Variants in NRXN1 observed in about 807,000 individuals in gnomAD.
NRXN1 encodes neurexin-1.
NRXN1 carries 39 observed loss-of-function variants against 150.9 expected under a neutral mutation model. That is an observed-to-expected ratio of 0.26 (90% CI 0.20 to 0.34). The LOEUF (loss-of-function observed/expected upper bound fraction) is 0.34, where lower values mean the gene tolerates loss of function less well. NRXN1 is among the 10% of genes least tolerant of loss of function. The probability of loss-of-function intolerance (pLI) is 1.00; values close to 1 mark genes in which losing one functional copy is unlikely to be tolerated. For missense variants in NRXN1, 1,815 were observed against 1,949.9 expected (o/e 0.93, Z 1.30); for synonymous variants, 924 against 757.0 (o/e 1.22, Z -3.62).
chr2:50,087,474 G>C (rs1698951827), intron 19 of NRXN1, among the ~76,000 whole-genome samples: 3 of 152,036 alleles, frequency 2.0e-5, no homozygotes, highest in South Asian at 4.1e-4. Flanking sequence ...ATGATGTTAG[G>C]CTTTGTGAAT....
chr2:50,015,778 G>A (rs1686489043), intron 21 of NRXN1, among the ~76,000 whole-genome samples: 1 of 152,142 alleles, frequency 6.6e-6, no homozygotes, highest in Non-Finnish European at 1.5e-5. Flanking sequence ...ATAGCTGAAA[G>A]CACACTGACA....
At chr2:50,662,508 G>A (rs532787050) in intron 5 of NRXN1, among the ~76,000 whole-genome samples, 7 of 152,132 alleles carry the variant, frequency 4.6e-5, no homozygotes, top group East Asian at 3.9e-4. Flanking sequence ...CCTGTAGGCC[G>A]CAGGAGGCCC....
At chr2:50,107,685 TACA>T (rs1243375598) in intron 18 of NRXN1, among the ~76,000 whole-genome samples, 1 of 151,584 alleles carries the variant, frequency 6.6e-6, no homozygotes, top group Admixed American at 6.6e-5. Flanking sequence ...ATAAAACTAT[TACA>T]ACAATAATTG....
intron 17 of NRXN1, among the ~76,000 whole-genome samples, chr2:50,311,829 G>C (rs2075207828): frequency 6.6e-6 from 1 of 152,090 alleles, no homozygotes; most frequent in Non-Finnish European, 1.5e-5. Context: ...ACATTCAGGA[G>C]TATCCTAAAT....
chr2:50,428,351 A>G (rs1558714869), intron 17 of NRXN1, among the ~76,000 whole-genome samples: 1 of 152,092 alleles, frequency 6.6e-6, no homozygotes, highest in Non-Finnish European at 1.5e-5. Context: ...GAAGGTCGAA[A>G]CAGCTGTGAG....
chr2:50,695,899 G>C (rs999665463), intron 5 of NRXN1, among the ~76,000 whole-genome samples: 7 of 142,084 alleles, frequency 4.9e-5, no homozygotes, highest in African/African-American at 1.9e-4. Context: ...CTGGAGTGCA[G>C]TGGCACAATC....
chr2:50,685,492 G>C (rs1161056420), intron 5 of NRXN1, among the ~76,000 whole-genome samples: 1 of 152,000 alleles, frequency 6.6e-6, no homozygotes, highest in Non-Finnish European at 1.5e-5. Context: ...CCATTGCTAA[G>C]GCTTGAAAAC....
chr2:50,656,434 G>C (rs752919284), intron 5 of NRXN1: 1 of 767,250 alleles, frequency 1.3e-6, no homozygotes, highest in Non-Finnish European at 2.4e-6. Context: ...TAAAGTTCTA[G>C]AAGTATCAAG....
chr2:50,823,767 A>G (rs890981963), intron 5 of NRXN1, among the ~76,000 whole-genome samples: 1 of 152,188 alleles, frequency 6.6e-6, no homozygotes, highest in East Asian at 1.9e-4. Context: ...ATTGCTTGAT[A>G]TAAGTAAGCA....
intron 17 of NRXN1, among the ~76,000 whole-genome samples, chr2:50,329,613 GTGTGTATATATATATATATATATATA>G (rs2076643668): frequency 5.3e-5 from 1 of 18,696 alleles, no homozygotes; most frequent in Non-Finnish European, 9.5e-5. Context: ...GTGTGTGTGT[GTGTGTATATATATATATATATATATA>G]TATATATATA....
intron 5 of NRXN1, among the ~76,000 whole-genome samples, chr2:50,786,768 T>G (rs1574472488): frequency 6.6e-6 from 1 of 152,270 alleles, no homozygotes; most frequent in Middle Eastern, 3.4e-3. Context: ...GCTATCATAT[T>G]TTAATTATAC....
At chr2:50,641,221 G>C (rs191416027) in intron 5 of NRXN1, among the ~76,000 whole-genome samples, 2 of 152,066 alleles carry the variant, frequency 1.3e-5, no homozygotes, top group African/African-American at 4.8e-5. Context: ...TTGACTAAAA[G>C]CCTCCTCATA....
chr2:50,058,024 G>C (rs1455505386), intron 19 of NRXN1, among the ~76,000 whole-genome samples: 1 of 152,136 alleles, frequency 6.6e-6, no homozygotes, highest in Non-Finnish European at 1.5e-5. Flanking sequence ...AAGCTTTATA[G>C]ATTATTTTAA....
chr2:50,929,177 T>C (rs1278069542), intron 2 of NRXN1, among the ~76,000 whole-genome samples: 2 of 152,010 alleles, frequency 1.3e-5, no homozygotes, highest in Admixed American at 1.3e-4. Flanking sequence ...GACAGTAACT[T>C]TAGTTTATCA....
chr2:50,701,606 T>A (rs1335664489), intron 5 of NRXN1, among the ~76,000 whole-genome samples: 1 of 152,188 alleles, frequency 6.6e-6, no homozygotes, highest in Non-Finnish European at 1.5e-5. Context: ...TCTGTCAGCG[T>A]CCTGCATATA....
intron 18 of NRXN1, among the ~76,000 whole-genome samples, chr2:50,208,843 T>C (rs964072718): frequency 6.6e-6 from 1 of 152,174 alleles, no homozygotes; most frequent in East Asian, 1.9e-4. Flanking sequence ...GTTAACACAT[T>C]TGATGTTAAA....
chr2:50,393,941 T>C (rs2081900973), intron 17 of NRXN1, among the ~76,000 whole-genome samples: 1 of 152,150 alleles, frequency 6.6e-6, no homozygotes, highest in Non-Finnish European at 1.5e-5. Flanking sequence ...TTCTAGGTTT[T>C]GTAATTGAAG....
At chr2:49,994,357 T>C (rs1045282822) in intron 21 of NRXN1, among the ~76,000 whole-genome samples, 3 of 152,220 alleles carry the variant, frequency 2.0e-5, no homozygotes, top group Non-Finnish European at 2.9e-5. Context: ...TGAAGCAATA[T>C]GACTAATAGA....
intron 18 of NRXN1, among the ~76,000 whole-genome samples, chr2:50,151,779 C>T (rs1348893585): frequency 6.6e-6 from 1 of 151,470 alleles, no homozygotes; most frequent in Non-Finnish European, 1.5e-5. Context: ...AGTAAGTTTA[C>T]TAAAAATTAG....
Sources: gnomAD v4.1 joint callset for allele counts (sites outside exome capture counted in the v4.1 genomes callset) on GRCh38, gnomAD v4.1.1 for gene constraint, MANE v1.5 for transcripts, NCBI Gene and HGNC (gene_info 2026-07-23, HGNC 2026-07-21) for gene names.